ZNF337: variants seen among roughly 807,000 people sequenced by gnomAD.
The protein encoded by ZNF337 is zinc finger protein 337.
In ZNF337, 8 loss-of-function variants were observed where a neutral mutation model predicts 12.1. The observed-to-expected ratio is 0.66, with a 90% CI of 0.39 to 1.19. The LOEUF (loss-of-function observed/expected upper bound fraction) is 1.19. ZNF337 is among the 50% of genes most tolerant of loss of function. The pLI is 0.01. For synonymous variants in ZNF337, 336 were observed against 320.0 expected (o/e 1.05, Z -0.53); for missense variants, 882 against 896.6 (o/e 0.98, Z 0.21).
At chr20:25,686,170 ACGCAGTT>A in intron 2 of ZNF337, 48 bp from the exon 3 acceptor site, 1 of 1,610,816 alleles carries the variant, frequency 6.2e-7, no homozygotes, top group African/African-American at 1.3e-5. Flanking sequence ...TGTTGCACTC[ACGCAGTT>A]GGAGGATTCC....
intron 4 of ZNF337, among the ~76,000 whole-genome samples, chr20:25,684,917 G>A (rs1029677871): frequency 6.7e-6 from 1 of 149,228 alleles, no homozygotes; most frequent in Admixed American, 6.7e-5. Context: ...ATAAGTGGGA[G>A]TTGAACCATG....
In ZNF337 at chr20:25,675,104, G is replaced by A. The variant is rs1283965992; in HGVS notation, c.2184C>T (p.Tyr728=). The A allele has an allele frequency of 6.2e-7, 1 of 1,614,052 alleles. No homozygotes were observed. ...CGRKFSNKSY[Y]SKHLKRHLRE... Reference sequence around the variant, plus strand: ...GTAAGTGTCTCTTTAAGTGCTTACTGTAGTATGACTTATTGCTAAACTTTC... The same window carrying A: ...GTAAGTGTCTCTTTAAGTGCTTACTATAGTATGACTTATTGCTAAACTTTC... The change falls in exon 5 of 5, where the codon TAC becomes TAT. Residue 728 remains tyrosine (Y), a synonymous_variant. Coordinates refer to ENST00000252979, the MANE Select transcript of ZNF337 (RefSeq NM_015655.4).
At chr20:25,691,146 CAAA>C (rs2065879702) in intron 1 of ZNF337, among the ~76,000 whole-genome samples, 1 of 151,942 alleles carries the variant, frequency 6.6e-6, no homozygotes, top group South Asian at 2.1e-4. Context: ...AGGAAGCAAA[CAAA>C]AATTCTGGAC....
intron 4 of ZNF337, chr20:25,681,266 G>A (rs542433455): frequency 1.5e-4 from 23 of 152,216 alleles, no homozygotes; most frequent in East Asian, 5.8e-4. Context: ...ATGATATTTC[G>A]TCATTTCTAC....
intron 1 of ZNF337, 63 bp from the exon 2 acceptor site, chr20:25,686,529 G>C (rs2065835480): frequency 7.8e-7 from 1 of 1,290,190 alleles, no homozygotes; most frequent in Non-Finnish European, 1.1e-6. Flanking sequence ...TGTGACAGTT[G>C]GTGTGATTCC....
In ZNF337 at chr20:25,685,527, G is replaced by A. The variant is rs367806830; in HGVS notation, c.250+40C>T. 43 of 1,547,900 alleles carry A rather than the reference G, an allele frequency of 2.8e-5. No individual in the cohort carries two copies. In the Admixed American group the frequency reaches 2.9e-4, roughly 10 times the overall value. Reference sequence around the variant, plus strand: ...AGAAGCCTCCTCCCTCCTGAAAGGCGGAGTGCCTTGTGCTCTGTCTGCCCT... The same window carrying A: ...AGAAGCCTCCTCCCTCCTGAAAGGCAGAGTGCCTTGTGCTCTGTCTGCCCT... On this transcript the variant is annotated intron_variant, in intron 4 of 4. Coordinates refer to ENST00000252979, the MANE Select transcript of ZNF337 (RefSeq NM_015655.4).
At chr20:25,680,311 CT>C (rs1332440534) in intron 4 of ZNF337, among the ~76,000 whole-genome samples, 1 of 151,922 alleles carries the variant, frequency 6.6e-6, no homozygotes, top group Non-Finnish European at 1.5e-5. Context: ...GTTATGGATC[CT>C]GATTTGATCA....
rs2065645439 is a variant in ZNF337 at position 25,674,029 on chromosome 20, A to G, written c.*1003T>C. Reference sequence around the variant, plus strand: ...GCAGGTGAGTGGTCCCCAGATCCCTATTTTACCACTTGTTTTGTCAGACTG... The same window carrying G: ...GCAGGTGAGTGGTCCCCAGATCCCTGTTTTACCACTTGTTTTGTCAGACTG... On this transcript the variant is annotated 3_prime_UTR_variant, in exon 5 of 5. Transcript: ENST00000252979. 1 of 152,116 alleles carries G rather than the reference A, an allele frequency of 6.6e-6. No homozygotes were observed. Among genetic ancestry groups the G allele is most frequent in the Non-Finnish European group, 1.5e-5 (1 of 68,024 alleles). 9.4% of individuals were successfully genotyped at this position (152,116 alleles called of 1,614,324 possible).
In ZNF337 at chr20:25,676,693, T is replaced by G. The variant is rs759327044; in HGVS notation, c.595A>C (p.Lys199Gln). The G allele has an allele frequency of 2.5e-6, 4 of 1,614,126 alleles. No homozygotes were observed. In the African/African-American group the frequency reaches 5.3e-5, roughly 22 times the overall value. ...FSRKMMVIIH[K>Q]KAHSRQKLFT... ...AGTTTCTGCCTGGAATGTGCTTTTT[T>G]GTGTATGATTACCATCATCTTCCGG... is the stretch of plus-strand genomic sequence containing the variant. The change falls in exon 5 of 5, where the codon AAA becomes CAA. Residue 199 changes from lysine (K) to glutamine (Q), a missense_variant. By Grantham distance (53) the Lys-to-Gln change is moderately conservative (BLOSUM62 1). Transcript: ENST00000252979.
chr20:25,675,712 TA>T lies in ZNF337; in HGVS notation c.1575del (p.Phe525LeufsTer3). On this transcript the variant is annotated frameshift_variant, in exon 5 of 5. Transcript: ENST00000252979. LOFTEE classifies it low-confidence loss of function (END_TRUNC). ...TGTATGGTGAGATTTGGCTTCAAGG[TA>T]AAGCCTCGCCCACAATCCCTGCAGA... The part of the protein sequence containing the change: ...RFFCRDCGRG[F>X]TLKPNLTIHQ... 5 of 1,614,058 alleles carry T rather than the reference TA, an allele frequency of 3.1e-6. No homozygotes were observed. Among genetic ancestry groups the T allele is most frequent in the Non-Finnish European group, 4.2e-6 (5 of 1,180,010 alleles).
rs1796114155 is a variant in ZNF337 at position 25,673,787 on chromosome 20, T to A, written c.*1245A>T. 6.6e-6 allele frequency: 1 copy of A among 152,220 alleles called. No individual in the cohort carries two copies. The highest frequency in any genetic ancestry group is 1.5e-5 in the Non-Finnish European group (1 of 68,034). 9.4% of individuals were successfully genotyped at this position (152,220 alleles called of 1,614,324 possible). On this transcript the variant is annotated 3_prime_UTR_variant, in exon 5 of 5. Transcript: ENST00000252979. ...TAATGGCTGAATGAAGTCTTCAATTTCTCAAGGTCCTTCTGCAGGTGGTAA... is the reference window on the plus strand; with the variant it reads ...TAATGGCTGAATGAAGTCTTCAATTACTCAAGGTCCTTCTGCAGGTGGTAA...
chr20:25,687,776 G>A (rs2065847880), intron 1 of ZNF337, among the ~76,000 whole-genome samples: 1 of 152,238 alleles, frequency 6.6e-6, no homozygotes. Context: ...GATTTACTGA[G>A]TGTGAGATGA....
In ZNF337 at chr20:25,676,393, G is replaced by A. The variant is rs1268520245; in HGVS notation, c.895C>T (p.Arg299Ter). 1.2e-5 allele frequency: 19 copies of A among 1,613,964 alleles called. No individual in the cohort carries two copies. Among genetic ancestry groups the A allele is most frequent in the Non-Finnish European group, 1.3e-5 (15 of 1,180,042 alleles). ...TATGAGGACTTATCGTTAAACCTTCGCCCACACTCCTGGCATTCATAAGGC... is the reference window on the plus strand; with the variant it reads ...TATGAGGACTTATCGTTAAACCTTCACCCACACTCCTGGCATTCATAAGGC... ...EKPYECQECG[R>*]RFNDKSSYNK... The change falls in exon 5 of 5, where the codon CGA becomes TGA. Residue 299 changes from arginine (R) to a stop codon, truncating the protein, a stop_gained. Transcript: ENST00000252979. LOFTEE classifies it low-confidence loss of function (END_TRUNC).
rs2065682663 is a variant in ZNF337 at position 25,676,104 on chromosome 20, T to A, written c.1184A>T (p.Gln395Leu). The A allele has an allele frequency of 6.2e-7, 1 of 1,611,270 alleles. No individual in the cohort carries two copies. The highest frequency in any genetic ancestry group is 1.4e-5 in the African/African-American group (1 of 73,798). The part of the protein sequence containing the change: ...FSVKGSLLRH[Q>L]RTHSGEKPFV... ...AGGCTTCTCCCCTGAGTGTGTTCTC[T>A]GGTGTCTGAGGAGACTTCCTTTCAC... Residue 395 changes from glutamine (Q) to leucine (L), a missense_variant, in exon 5 of 5, where the codon CAG (glutamine) becomes CTG (leucine). Transcript: ENST00000252979.
Position 25,676,568 on chromosome 20 carries a change from C to T in ZNF337, c.720G>A (p.Val240=). The change falls in exon 5 of 5, where the codon GTG becomes GTA. Residue 240 remains valine (V), a synonymous_variant. Coordinates refer to ENST00000252979, the MANE Select transcript of ZNF337 (RefSeq NM_015655.4). ...CCTTGAGGCTGAAGCCTCGCCCACA[C>T]ACACTGCACACATAGGACTTCTCTC... ...HTGEKSYVCS[V]CGRGFSLKAN... is the part of the protein sequence containing the mutation. 1 of 1,614,216 alleles carries T rather than the reference C, an allele frequency of 6.2e-7. No homozygotes were observed. The highest frequency in any genetic ancestry group is 8.5e-7 in the Non-Finnish European group (1 of 1,180,030).
At position 25,676,661 on chromosome 20, in the gene ZNF337, T is replaced by G; in HGVS notation, c.627A>C (p.Thr209=). 1 of 1,614,228 alleles carries G rather than the reference T, an allele frequency of 6.2e-7. No homozygotes were observed. Among genetic ancestry groups the G allele is most frequent in the Non-Finnish European group, 8.5e-7 (1 of 1,180,048 alleles). The change falls in exon 5 of 5, where the codon ACA becomes ACC. Residue 209 remains threonine, a synonymous_variant. Transcript: ENST00000252979. ...TAAAGCCCTGGTGACACTCCCTGCA[T>G]GTAAAAAGTTTCTGCCTGGAATGTG... is the stretch of plus-strand genomic sequence containing the variant. ...KKAHSRQKLF[T]CRECHQGFRD... is the part of the protein sequence containing the mutation.
At chr20:25,682,223 T>A (rs1439048837) in intron 4 of ZNF337, among the ~76,000 whole-genome samples, 1 of 152,180 alleles carries the variant, frequency 6.6e-6, no homozygotes, top group African/African-American at 2.4e-5. Flanking sequence ...TATAATACAG[T>A]AACTATTATT....
intron 4 of ZNF337, among the ~76,000 whole-genome samples, chr20:25,684,397 G>A (rs1471174859): frequency 2.6e-5 from 4 of 151,910 alleles, no homozygotes; most frequent in Admixed American, 2.6e-4. Context: ...ATTAAAAAAA[G>A]AGAAATGCAA....
Position 25,679,873 on chromosome 20 carries a change from A to C in ZNF337, c.251-2836T>G, listed in dbSNP as rs138909530. ...GTACCCCCATGTTAACATTATTCAC[A>C]ATAGTCTAGATATGGAATTAACCTA... is the stretch of plus-strand genomic sequence containing the variant. On this transcript the variant is annotated intron_variant, in intron 4 of 4. Coordinates refer to ENST00000252979, the MANE Select transcript of ZNF337 (RefSeq NM_015655.4). 1.4e-3 allele frequency among the ~76,000 whole-genome samples: 211 copies of C among 152,298 alleles called. 1 individual carries two copies. Among genetic ancestry groups the C allele is most frequent in the African/African-American group, 4.8e-3 (199 of 41,572 alleles).
Sources: allele counts gnomAD v4.1 joint callset (sites outside exome capture counted in the v4.1 genomes callset), GRCh38; gene constraint gnomAD v4.1.1; transcripts MANE v1.5; gene names NCBI Gene and HGNC (gene_info 2026-07-23, HGNC 2026-07-21).